Variants in AKR1C8 observed in about 807,000 individuals in gnomAD.
The protein encoded by AKR1C8 is aldo-keto reductase family 1 member C8, also known as aldo-keto reductase family 1 member C-like protein 1.
chr10:5,169,907 G>C, the AKR1C8 span, among the ~76,000 whole-genome samples: 10 of 152,048 alleles, frequency 6.6e-5, no homozygotes, highest in Non-Finnish European at 1.5e-4. Flanking sequence ...TTCAGCTTAA[G>C]ATTTCTTATT....
At chr10:5,131,290 C>A in the AKR1C8 span, among the ~76,000 whole-genome samples, 1 of 151,788 alleles carries the variant, frequency 6.6e-6, no homozygotes, top group South Asian at 2.1e-4. Flanking sequence ...ATCTCTAAGA[C>A]CCCCAAAAGC....
chr10:5,168,966 C>T, the AKR1C8 span, among the ~76,000 whole-genome samples: 1 of 152,094 alleles, frequency 6.6e-6, no homozygotes, highest in African/African-American at 2.4e-5. Context: ...TATGGAAAGG[C>T]TGAGATAGAC....
the AKR1C8 span, among the ~76,000 whole-genome samples, chr10:5,148,910 G>A: frequency 1.1e-4 from 16 of 151,756 alleles, no homozygotes; most frequent in South Asian, 6.2e-4. Context: ...GAAGTCTTGC[G>A]TCCTGTGGAA....
the AKR1C8 span, among the ~76,000 whole-genome samples, chr10:5,134,952 A>G: frequency 5.9e-5 from 9 of 152,220 alleles, no homozygotes; most frequent in Non-Finnish European, 1.3e-4. Flanking sequence ...ACACGACCAT[A>G]TGACCAGACC....
At chr10:5,154,794 T>C in the AKR1C8 span, 1 of 152,286 alleles carries the variant, frequency 6.6e-6, no homozygotes, top group African/African-American at 2.4e-5. Context: ...CTATTTAGCC[T>C]TCTCTCTCCT....
the AKR1C8 span, among the ~76,000 whole-genome samples, chr10:5,177,436 TTC>T: frequency 6.6e-6 from 1 of 152,158 alleles, no homozygotes; most frequent in Non-Finnish European, 1.5e-5. Context: ...TGGTCTAAAA[TTC>T]TCTTTTTTTG....
At chr10:5,146,818 T>C in the AKR1C8 span, among the ~76,000 whole-genome samples, 1 of 152,172 alleles carries the variant, frequency 6.6e-6, no homozygotes, top group African/African-American at 2.4e-5. Flanking sequence ...TAAGCCAATG[T>C]CTAGAAGGGT....
chr10:5,144,321 T>A, the AKR1C8 span, among the ~76,000 whole-genome samples: 1 of 152,266 alleles, frequency 6.6e-6, no homozygotes, highest in African/African-American at 2.4e-5. Context: ...GCCTCCAGCT[T>A]TCTTCTTTTG....
At chr10:5,175,566 G>T in the AKR1C8 span, among the ~76,000 whole-genome samples, 2 of 152,188 alleles carry the variant, frequency 1.3e-5, no homozygotes, top group African/African-American at 4.8e-5. Context: ...CTTCCACAAT[G>T]TTTGAACTAG....
the AKR1C8 span, among the ~76,000 whole-genome samples, chr10:5,118,350 G>GT: frequency 1.7e-5 from 1 of 59,340 alleles, no homozygotes; most frequent in East Asian, 1.9e-4. Context: ...TACAACCTAT[G>GT]TGTCTAGATT....
the AKR1C8 span, chr10:5,161,705 T>C: frequency 1.9e-6 from 1 of 533,828 alleles, no homozygotes; most frequent in South Asian, 1.4e-5. Flanking sequence ...TTGTGAAAGA[T>C]ACTCACGAAA....
the AKR1C8 span, among the ~76,000 whole-genome samples, chr10:5,126,365 G>C: frequency 6.6e-6 from 1 of 152,134 alleles, no homozygotes; most frequent in Non-Finnish European, 1.5e-5. Context: ...CAGATGAAAA[G>C]AGGTACCTGT....
the AKR1C8 span, among the ~76,000 whole-genome samples, chr10:5,152,950 C>G: frequency 3.3e-5 from 5 of 151,734 alleles, no homozygotes; most frequent in Non-Finnish European, 7.4e-5. Flanking sequence ...TATGACAAAG[C>G]TGTTCAATGT....
At chr10:5,147,145 AAAGCAATAGAAGGC>A in the AKR1C8 span, among the ~76,000 whole-genome samples, 1 of 152,136 alleles carries the variant, frequency 6.6e-6, no homozygotes, top group South Asian at 2.1e-4. Flanking sequence ...GTGAGATAGG[AAAGCAATAGAAGGC>A]GAGTAAGGTG....
At chr10:5,158,736 T>C in the AKR1C8 span, 1 of 473,874 alleles carries the variant, frequency 2.1e-6, no homozygotes, top group Non-Finnish European at 4.4e-6. Flanking sequence ...CCAAAAGGTG[T>C]CACAATATAT....
the AKR1C8 span, among the ~76,000 whole-genome samples, chr10:5,164,008 T>C: frequency 6.6e-6 from 1 of 152,184 alleles, no homozygotes; most frequent in Non-Finnish European, 1.5e-5. Flanking sequence ...CACTGTGGGC[T>C]ACAGTGGCTT....
chr10:5,161,684 G>C, the AKR1C8 span: 16 of 532,812 alleles, frequency 3.0e-5, no homozygotes, highest in Non-Finnish European at 5.0e-5. Flanking sequence ...CTTGATGGTA[G>C]AGTCACTCAA....
At chr10:5,166,306 C>G in the AKR1C8 span, among the ~76,000 whole-genome samples, 1 of 152,008 alleles carries the variant, frequency 6.6e-6, no homozygotes, top group Non-Finnish European at 1.5e-5. Context: ...TCATATGGAA[C>G]CAAAAAAGAG....
At chr10:5,135,614 A>G in the AKR1C8 span, among the ~76,000 whole-genome samples, 1 of 152,072 alleles carries the variant, frequency 6.6e-6, no homozygotes, top group African/African-American at 2.4e-5. Context: ...AATTCCTCCA[A>G]TAGATTTATA....
Sources: gnomAD v4.1 joint callset for allele counts (sites outside exome capture counted in the v4.1 genomes callset) on GRCh38, gnomAD v4.1.1 for gene constraint, MANE v1.5 for transcripts, NCBI Gene and HGNC (gene_info 2026-07-23, HGNC 2026-07-21) for gene names.